Variants in KMT2B observed in about 807,000 individuals in gnomAD.
KMT2B encodes histone-lysine N-methyltransferase 2B.
A neutral mutation model predicts 255.3 loss-of-function variants in KMT2B; 22 were observed. The observed-to-expected ratio is 0.09, with a 90% confidence interval of 0.06 to 0.12. The LOEUF (loss-of-function observed/expected upper bound fraction) is 0.12. Ranked by LOEUF, KMT2B falls within the 10% of genes least tolerant of loss-of-function variation. KMT2B has a pLI of 1.00. For synonymous variants in KMT2B, 1,730 were observed against 1,498.1 expected (o/e 1.15, Z -3.57); for missense variants, 3,149 against 3,737.0 (o/e 0.84, Z 4.10).
intron 1 of KMT2B, among the ~76,000 whole-genome samples, chr19:35,719,116 G>T (rs994624769): frequency 6.6e-6 from 1 of 152,300 alleles, no homozygotes; most frequent in South Asian, 2.1e-4. Context: ...CCGAAAGGGT[G>T]TCAGTGGAGG....
chr19:35,726,085 C>T (rs1969427820), intron 13 of KMT2B, 151 bp from the exon 14 acceptor site: 2 of 678,460 alleles, frequency 2.9e-6, no homozygotes, highest in Admixed American at 2.2e-5. Context: ...CCCTCATGTT[C>T]CTCCTCCGTG....
chr19:35,732,930 A>G lies in KMT2B; in HGVS notation c.6381A>G (p.Gly2127=), dbSNP rs750980005. The G allele has an allele frequency of 6.2e-7, 1 of 1,608,390 alleles. No individual in the cohort carries two copies. The highest frequency in any genetic ancestry group is 8.5e-7 in the Non-Finnish European group (1 of 1,178,062). ...AGAACCTAGGGGGTCCTGGGGATGG[A>G]GGTGCTGGCCCTAGAGAGGAGTCAC... ...VLKNLGGPGD[G]GAGPREESLP... Residue 2127 remains glycine, a synonymous_variant, in exon 28 of 37, where the codon GGA becomes GGG. Coordinates refer to ENST00000420124, the MANE Select transcript of KMT2B (RefSeq NM_014727.3).
chr19:35,735,099 G>GCGAA (rs1422574786), intron 30 of KMT2B: 2 of 152,466 alleles, frequency 1.3e-5, no homozygotes, highest in East Asian at 3.9e-4. Context: ...TGCTGTGTTT[G>GCGAA]GGAAACTGGA....
At chr19:35,722,504 C>T (rs748906602) in intron 4 of KMT2B, 32 bp downstream of exon 4, 3 of 1,600,912 alleles carry the variant, frequency 1.9e-6, no homozygotes, top group South Asian at 1.1e-5. Context: ...CTGAAGAAGA[C>T]TGGCGGGAGG....
Position 35,727,390 on chromosome 19 carries a change from C to T in KMT2B, c.4118-48C>T, listed in dbSNP as rs1568375819. ...GCTGGCCTAGGGGCTGCTGGGAGCC[C>T]TCACATCCTCTGAAACCACTTTTCC... On this transcript the variant is annotated intron_variant, in intron 15 of 36. Coordinates refer to ENST00000420124, the MANE Select transcript of KMT2B (RefSeq NM_014727.3). This position sits in a 1 kb window ranked among gnomAD's most constrained non-coding sequence, Gnocchi z 4.2. 1 of 1,607,460 alleles carries T rather than the reference C, an allele frequency of 6.2e-7. No individual in the cohort carries two copies. Among genetic ancestry groups the T allele is most frequent in the Non-Finnish European group, 8.5e-7 (1 of 1,174,756 alleles).
intron 14 of KMT2B, among the ~76,000 whole-genome samples, chr19:35,726,721 C>T (rs1332519081): frequency 1.3e-5 from 2 of 152,136 alleles, no homozygotes; most frequent in Non-Finnish European, 2.9e-5. Flanking sequence ...CAGTGGCTCA[C>T]GCCTGTAATC....
Position 35,723,997 on chromosome 19 carries a change from C to T in KMT2B, c.3324C>T (p.Pro1108=). Residue 1108 remains proline, a synonymous_variant, in exon 8 of 37, where the codon CCC becomes CCT. Transcript: ENST00000420124. This position sits in a 1 kb window ranked among gnomAD's most constrained non-coding sequence, Gnocchi z 7.5. The part of the protein sequence containing the change: ...GGPPAPRRRT[P]RENELPLPEP... ...CCCCTGCTCCTCGGCGTCGGACCCC[C>T]CGAGAAAATGGTGCGAACTGCTTAA... 1 of 1,588,552 alleles carries T rather than the reference C, an allele frequency of 6.3e-7. No homozygotes were observed. The highest frequency in any genetic ancestry group is 8.6e-7 in the Non-Finnish European group (1 of 1,167,744).
intron 3 of KMT2B, 54 bp from the exon 4 acceptor site, chr19:35,722,305 C>T (rs1969249071): frequency 5.3e-6 from 8 of 1,520,676 alleles, no homozygotes; most frequent in Non-Finnish European, 7.1e-6. Context: ...ACCCAGCTCC[C>T]TGTCCCTATC....
rs1337468414 is a variant in KMT2B at position 35,732,817 on chromosome 19, G to A, written c.6268G>A (p.Val2090Ile). 23 of 1,606,598 alleles carry A rather than the reference G, an allele frequency of 1.4e-5. No homozygotes were observed. Among genetic ancestry groups the A allele is most frequent in the Non-Finnish European group, 2.0e-5 (23 of 1,177,316 alleles). Residue 2090 changes from valine (V) to isoleucine (I), a missense_variant, in exon 28 of 37, where the codon GTA becomes ATA. Transcript: ENST00000420124. ...GGGCACGCCTCCTTCGGGGCCAGGA[G>A]TAGTCCGGGCAGGGGTCCTTGGGGC... Reference protein sequence around the residue: ...GQGTPPSGPGVVRAGVLGAAG... With the variant: ...GQGTPPSGPGIVRAGVLGAAG...
chr19:35,718,358 A>G lies in KMT2B; in HGVS notation c.340A>G (p.Ser114Gly). Reference sequence around the variant, plus strand: ...AGGCTGCGTGCCGGAGGAGGAGAGCAGTGACGGGGAATCCGACGAGGAGGT... The same window carrying G: ...AGGCTGCGTGCCGGAGGAGGAGAGCGGTGACGGGGAATCCGACGAGGAGGT... The part of the protein sequence containing the change: ...SRGCVPEEES[S>G]DGESDEEEFQ... The change falls in exon 1 of 37, where the codon AGT (serine) becomes GGT (glycine). Residue 114 changes from serine to glycine, a missense_variant. By Grantham distance (56) the Ser-to-Gly change is moderately conservative. Transcript: ENST00000420124. The surrounding 1 kb of genome is among the most constrained non-coding windows in gnomAD (Gnocchi z 5.0). 7.9e-7 allele frequency: 1 copy of G among 1,266,324 alleles called. No homozygotes were observed. Among genetic ancestry groups the G allele is most frequent in the Admixed American group, 3.7e-5 (1 of 27,106 alleles). 78.4% of individuals were successfully genotyped at this position (1,266,324 alleles called of 1,614,324 possible). A position where few individuals can be genotyped will look rare whatever the true frequency, so the allele number is the denominator to read the frequency against.
chr19:35,721,833 C>T (rs1386228660), intron 3 of KMT2B, 29 bp downstream of exon 3: 4 of 1,528,448 alleles, frequency 2.6e-6, no homozygotes, highest in Non-Finnish European at 3.5e-6. Context: ...CCCAGCGGCA[C>T]ACCCAGCCAT....
Position 35,729,233 on chromosome 19 carries a change from C to T in KMT2B, c.4854C>T (p.Val1618=). ...HVNCAIWSAE[V]FEENDGSLKN... ...ACTGTGCCATCTGGTCGGCGGAAGT[C>T]TTCGAGGAGAACGACGGCTCCCTCA... Residue 1618 remains valine, a synonymous_variant, in exon 22 of 37, where the codon GTC becomes GTT. Coordinates refer to ENST00000420124, the MANE Select transcript of KMT2B (RefSeq NM_014727.3). 2 of 1,609,374 alleles carry T rather than the reference C, an allele frequency of 1.2e-6. No homozygotes were observed. The highest frequency in any genetic ancestry group is 1.7e-6 in the Non-Finnish European group (2 of 1,177,784).
intron 19 of KMT2B, 138 bp from the exon 20 acceptor site, chr19:35,728,636 C>T (rs1855199917): frequency 5.9e-6 from 4 of 682,844 alleles, no homozygotes; most frequent in Non-Finnish European, 5.3e-6. Context: ...GAGGGCCTGG[C>T]TTATTTGGTG....
intron 30 of KMT2B, among the ~76,000 whole-genome samples, chr19:35,734,375 G>A (rs1016356203): frequency 6.6e-6 from 1 of 152,206 alleles, no homozygotes; most frequent in Admixed American, 6.5e-5. Flanking sequence ...GGCACAGGGT[G>A]GGGCGTTGTG....
At chr19:35,736,639 T>C in intron 30 of KMT2B, 51 bp from the exon 31 acceptor site, 1 of 1,602,516 alleles carries the variant, frequency 6.2e-7, no homozygotes, top group South Asian at 1.1e-5. Context: ...GCTCAGGGGC[T>C]TTTGAGTCCG....
At position 35,720,804 on chromosome 19, in the gene KMT2B, G is replaced by C. The variant is rs777708173; in HGVS notation, c.1457G>C (p.Arg486Pro). The change falls in exon 3 of 37, where the codon CGG becomes CCG. Residue 486 changes from arginine (R) to proline (P), a missense_variant. Coordinates refer to ENST00000420124, the MANE Select transcript of KMT2B (RefSeq NM_014727.3). ...PSQRAEREAARAGPEGTSPPT... is the reference protein window; with the variant it reads ...PSQRAEREAAPAGPEGTSPPT... Reference sequence around the variant, plus strand: ...CAGCGGGCGGAGCGGGAAGCTGCTCGGGCAGGGCCAGAGGGCACCTCTCCT... The same window carrying C: ...CAGCGGGCGGAGCGGGAAGCTGCTCCGGCAGGGCCAGAGGGCACCTCTCCT... 1 of 1,505,294 alleles carries C rather than the reference G, an allele frequency of 6.6e-7. No homozygotes were observed. The allele number at this position is 1,505,294 out of a possible 1,614,324, so 93.2% of individuals were successfully genotyped here.
Position 35,723,885 on chromosome 19 carries a change from T to C in KMT2B, c.3212T>C (p.Leu1071Pro), listed in dbSNP as rs1449109829. 1 of 1,610,998 alleles carries C rather than the reference T, an allele frequency of 6.2e-7. No individual in the cohort carries two copies. Among genetic ancestry groups the C allele is most frequent in the Non-Finnish European group, 8.5e-7 (1 of 1,179,074 alleles). Residue 1071 changes from leucine to proline, a missense_variant, in exon 8 of 37, where the codon CTG becomes CCG. Physicochemically the swap from Leu to Pro is moderately conservative, Grantham distance 98 (BLOSUM62 -3). Around this residue, in one of 18 missense-constraint regions of KMT2B, gnomAD observed 136 missense variants for 137.3 expected, o/e 0.99. Transcript: ENST00000420124. This position sits in a 1 kb window ranked among gnomAD's most constrained non-coding sequence, Gnocchi z 7.5. ...GGGCCCGAGGAGCAGGACTCCCTCC[T>C]GCAGCGCAAGTCAGCTCGGCGCTGC... ...HPGPEEQDSL[L>P]QRKSARRCVK...
intron 5 of KMT2B, 130 bp downstream of exon 5, chr19:35,722,848 T>G: frequency 7.1e-7 from 1 of 1,416,988 alleles, no homozygotes; most frequent in Non-Finnish European, 9.4e-7. Context: ...TGGGCTGGAG[T>G]GCTAGGTCCT....
Position 35,732,566 on chromosome 19 carries a change from A to G in KMT2B, c.6017A>G (p.Glu2006Gly). ...SLLGTEPFQEEIVAAGAMGSS... is the reference protein window; with the variant it reads ...SLLGTEPFQEGIVAAGAMGSS... Reference sequence around the variant, plus strand: ...CTGGGGACTGAGCCCTTCCAGGAAGAGATTGTAGCCGCTGGGGCCATGGGG... The same window carrying G: ...CTGGGGACTGAGCCCTTCCAGGAAGGGATTGTAGCCGCTGGGGCCATGGGG... Residue 2006 changes from glutamate (E) to glycine (G), a missense_variant, in exon 28 of 37, where the codon GAG becomes GGG. Transcript: ENST00000420124. 6.2e-7 allele frequency: 1 copy of G among 1,613,626 alleles called. No individual in the cohort carries two copies. The highest frequency in any genetic ancestry group is 8.5e-7 in the Non-Finnish European group (1 of 1,179,850).
Sources: gnomAD v4.1 joint callset for allele counts (sites outside exome capture counted in the v4.1 genomes callset) on GRCh38, gnomAD v4.1.1 for gene constraint, gnomAD v4.1.1 regional missense constraint, Gnocchi (gnomAD v3.1) non-coding constraint, MANE v1.5 for transcripts, NCBI Gene and HGNC (gene_info 2026-07-23, HGNC 2026-07-21) for gene names.